The following ATP2B3 variants were observed in gnomAD, a reference collection of about 807,000 sequenced individuals.
ATP2B3 encodes ATPase plasma membrane Ca2+ transporting 3.
A neutral mutation model predicts 70.8 loss-of-function variants in ATP2B3; 12 were observed. The ratio of observed to expected loss-of-function variants is 0.17; its 90% confidence interval spans 0.11 to 0.27. The LOEUF (loss-of-function observed/expected upper bound fraction) is 0.27, where lower values mean the gene tolerates loss of function less well. ATP2B3 is among the 10% of genes least tolerant of loss of function. ATP2B3 has a pLI of 1.00. For missense variants in ATP2B3, 858 were observed against 1,118.5 expected, an observed-to-expected ratio of 0.77 and a Z score of 3.32; for synonymous variants, 460 against 497.8, an observed-to-expected ratio of 0.92 and a Z score of 1.01.
At chrX:153,534,176 C>CA (rs1428221282) in intron 2 of ATP2B3, among the ~76,000 whole-genome samples, 1 of 110,224 alleles carries the variant, frequency 9.1e-6, no homozygotes, top group African/African-American at 3.3e-5. Context: ...TGCACCGTCA[C>CA]AAGCAAAGGT....
chrX:153,546,051 T>C (rs1569534301), intron 7 of ATP2B3, 37 bp from the exon 8 acceptor site: 1 of 1,206,597 alleles, frequency 8.3e-7, no homozygotes, highest in Non-Finnish European at 1.1e-6. Context: ...GCTGGTGTCC[T>C]CAAGCCTTCG....
chrX:153,517,935 CA>C (rs782000591), intron 1 of ATP2B3, 60 bp downstream of exon 1: 5,701 of 108,884 alleles, frequency 0.052, 372 homozygotes, highest in African/African-American at 0.18. Flanking sequence ...GGCGCGGGCA[CA>C]AGGCGCGGGT....
chrX:153,544,988 G>A (rs1430964104), intron 7 of ATP2B3, among the ~76,000 whole-genome samples: 2 of 112,861 alleles, frequency 1.8e-5, no homozygotes, highest in African/African-American at 6.4e-5. Context: ...CTGCCATCTT[G>A]TGTCCGTGGG....
intron 21 of ATP2B3, among the ~76,000 whole-genome samples, chrX:153,576,705 G>A (rs782365009): frequency 4.5e-5 from 5 of 111,582 alleles, no homozygotes; most frequent in East Asian, 2.8e-4. Context: ...GGGGCGTGGC[G>A]CGTCCTGGGC....
intron 20 of ATP2B3, among the ~76,000 whole-genome samples, chrX:153,563,693 C>T (rs1316372682): frequency 8.9e-6 from 1 of 112,495 alleles, no homozygotes; most frequent in African/African-American, 3.2e-5. Context: ...GTGCCAGGCC[C>T]TCTTCTTGCT....
chrX:153,529,478 A>G (rs1186199020), intron 2 of ATP2B3, among the ~76,000 whole-genome samples: 2 of 112,001 alleles, frequency 1.8e-5, no homozygotes, highest in Non-Finnish European at 3.8e-5. Flanking sequence ...GCACCACGGG[A>G]GGCCATTCAG....
intron 11 of ATP2B3, 149 bp from the exon 12 acceptor site, chrX:153,549,896 T>A: frequency 9.3e-7 from 1 of 1,072,763 alleles, no homozygotes; most frequent in African/African-American, 1.8e-5. Flanking sequence ...GCTGGGAAAC[T>A]GCCTGTAGCT....
At chrX:153,571,947 C>T (rs1192635924) in intron 21 of ATP2B3, among the ~76,000 whole-genome samples, 2 of 112,582 alleles carry the variant, frequency 1.8e-5, no homozygotes, top group African/African-American at 6.5e-5. Flanking sequence ...TGGAAGCCAC[C>T]TGCCAGAACC....
At chrX:153,550,988 C>T (rs782743506) in intron 12 of ATP2B3, among the ~76,000 whole-genome samples, 4 of 111,717 alleles carry the variant, frequency 3.6e-5, no homozygotes, top group Non-Finnish European at 7.6e-5. Context: ...TCTACCAGCA[C>T]GTCTACCAGC....
At chrX:153,546,704 G>T (rs2090372884) in intron 8 of ATP2B3, among the ~76,000 whole-genome samples, 1 of 113,403 alleles carries the variant, frequency 8.8e-6, no homozygotes, top group South Asian at 3.6e-4. Flanking sequence ...GCCCACGGAG[G>T]ACAGGAGATG....
chrX:153,530,938 G>T (rs148667210), intron 2 of ATP2B3, among the ~76,000 whole-genome samples: 1 of 112,296 alleles, frequency 8.9e-6, no homozygotes, highest in Non-Finnish European at 1.9e-5. Context: ...GAGCTGCAGC[G>T]ACGGTGCCTC....
intron 12 of ATP2B3, among the ~76,000 whole-genome samples, chrX:153,552,011 G>C (rs2090464439): frequency 8.9e-6 from 1 of 112,611 alleles, no homozygotes; most frequent in Admixed American, 9.3e-5. Flanking sequence ...ACCCTGCCTG[G>C]CCGCCCCACC....
intron 2 of ATP2B3, among the ~76,000 whole-genome samples, chrX:153,534,222 G>A (rs1219638196): frequency 2.7e-5 from 3 of 111,677 alleles, no homozygotes; most frequent in Non-Finnish European, 3.8e-5. Context: ...TCGAGAAGAC[G>A]AGGAGTCCAG....
At chrX:153,520,018 C>A (rs1414085174) in intron 2 of ATP2B3, among the ~76,000 whole-genome samples, 3 of 109,165 alleles carry the variant, frequency 2.7e-5, no homozygotes, top group African/African-American at 1.0e-4. Context: ...GTGACAGCAG[C>A]CCCTTACCTG....
intron 13 of ATP2B3, among the ~76,000 whole-genome samples, chrX:153,554,524 G>C (rs782464203): frequency 8.9e-6 from 1 of 112,856 alleles, no homozygotes; most frequent in Non-Finnish European, 1.9e-5. Context: ...TGCGGAGGCT[G>C]GGCAGACCCC....
intron 3 of ATP2B3, among the ~76,000 whole-genome samples, chrX:153,538,620 A>G (rs1557005190): frequency 1.8e-5 from 2 of 112,824 alleles, no homozygotes; most frequent in Non-Finnish European, 3.8e-5. Context: ...AGATGCTCCT[A>G]ATCCAATTCT....
rs1250834509 is a variant in ATP2B3, at chrX:153,526,036, C to A, written c.-127+7485C>A. Among the ~76,000 whole-genome samples, 3 of 113,076 alleles carry A rather than the reference C, an allele frequency of 2.7e-5. No homozygotes were observed. In the Middle Eastern group the frequency reaches 0.014, roughly 519 times the overall value. On this transcript the variant is annotated intron_variant, in intron 2 of 21. Coordinates refer to ENST00000263519, the MANE Select transcript of ATP2B3 (RefSeq NM_001001344.3). Reference sequence around the variant, plus strand: ...GCCCTCTGCGCCCCATCCACCCTTCCCCGAAGGAGGAAGCTGGGCTATAGC... The same window carrying A: ...GCCCTCTGCGCCCCATCCACCCTTCACCGAAGGAGGAAGCTGGGCTATAGC...
At chrX:153,551,036 C>T (rs920853297) in intron 12 of ATP2B3, among the ~76,000 whole-genome samples, 3 of 112,787 alleles carry the variant, frequency 2.7e-5, no homozygotes, top group Non-Finnish European at 3.7e-5. Flanking sequence ...TCACGAGTCA[C>T]GCTGCTGTGA....
intron 21 of ATP2B3, among the ~76,000 whole-genome samples, chrX:153,571,003 TACACACACACAC>T (rs879951205): frequency 2.3e-5 from 2 of 87,635 alleles, no homozygotes; most frequent in Admixed American, 2.6e-4. Context: ...CGTGCGCGCG[TACACACACACAC>T]ACACACACAC....
Sources: gnomAD v4.1 joint callset for allele counts (sites outside exome capture counted in the v4.1 genomes callset) on GRCh38, gnomAD v4.1.1 for gene constraint, MANE v1.5 for transcripts, NCBI Gene and HGNC (gene_info 2026-07-23, HGNC 2026-07-21) for gene names.